Variants in GRID1 observed in about 807,000 individuals in gnomAD.
GRID1 encodes glutamate receptor ionotropic, delta-1.
Under a neutral mutation model 98.0 loss-of-function variants are expected in GRID1, and 28 were observed. The ratio of observed to expected loss-of-function variants is 0.29; its 90% confidence interval spans 0.21 to 0.39. GRID1 has a LOEUF of 0.39. GRID1 is among the 10% of genes least tolerant of loss of function. GRID1 has a pLI of 1.00. For missense variants in GRID1, 1,111 were observed against 1,340.5 expected (o/e 0.83, Z 2.67); for synonymous variants, 553 against 538.5 (o/e 1.03, Z -0.37).
chr10:85,939,426 A>T (rs1841969316), intron 4 of GRID1, among the ~76,000 whole-genome samples: 1 of 152,222 alleles, frequency 6.6e-6, no homozygotes, highest in African/African-American at 2.4e-5. Flanking sequence ...ACTAAGCTAA[A>T]ATCAAGGTGT....
At chr10:85,756,077 C>T (rs1456625497) in intron 8 of GRID1, among the ~76,000 whole-genome samples, 1 of 151,146 alleles carries the variant, frequency 6.6e-6, no homozygotes, top group Non-Finnish European at 1.5e-5. Context: ...CCAATACCCC[C>T]CCTAGTGGGA....
chr10:85,780,025 C>T (rs1842367352), intron 8 of GRID1, among the ~76,000 whole-genome samples: 1 of 152,192 alleles, frequency 6.6e-6, no homozygotes, highest in Non-Finnish European at 1.5e-5. Flanking sequence ...ATCTTCTTTC[C>T]AGGCACTAGC....
chr10:85,854,642 G>A, intron 7 of GRID1, 27 bp from the exon 8 acceptor site: 1 of 1,613,640 alleles, frequency 6.2e-7, no homozygotes, highest in Non-Finnish European at 8.5e-7. Context: ...AAACCCATTG[G>A]AAAATCTGGT....
chr10:86,291,267 C>T (rs976829553), intron 2 of GRID1, among the ~76,000 whole-genome samples: 4 of 152,184 alleles, frequency 2.6e-5, no homozygotes, highest in African/African-American at 9.7e-5. Flanking sequence ...GGGATGAGAC[C>T]CCCACTTTCC....
intron 11 of GRID1, 117 bp from the exon 12 acceptor site, chr10:85,723,258 C>G: frequency 1.0e-6 from 1 of 998,920 alleles, no homozygotes; most frequent in South Asian, 2.2e-5. Context: ...GGGCTGGAAC[C>G]AGGGAGGTGA....
intron 2 of GRID1, among the ~76,000 whole-genome samples, chr10:86,229,412 G>A (rs72841780): frequency 0.28 from 43,245 of 152,114 alleles, 7,005 homozygotes; most frequent in Non-Finnish European, 0.38. Context: ...GTGACCTTGG[G>A]CAAGACACCT....
At chr10:86,249,373 T>TCTC (rs1222790705) in intron 2 of GRID1, among the ~76,000 whole-genome samples, 1 of 152,120 alleles carries the variant, frequency 6.6e-6, no homozygotes, top group African/African-American at 2.4e-5. Flanking sequence ...TAAGTCACAG[T>TCTC]CTCCTCTGGA....
chr10:85,725,525 G>A lies in GRID1; in HGVS notation c.1534-849C>T, dbSNP rs116422259. ...AAACTGCCAAGTTTGGGGCGATTAC[G>A]GGTTTCATGTCCGGATGGGTGGATG... is the stretch of plus-strand genomic sequence containing the variant. On this transcript the variant is annotated intron_variant, in intron 10 of 15. Transcript: ENST00000327946. Among the ~76,000 whole-genome samples, 660 of 152,288 alleles carry A rather than the reference G, an allele frequency of 4.3e-3. 4 individuals carry two copies. The highest frequency in any genetic ancestry group is 0.015 in the African/African-American group (630 of 41,560).
At chr10:86,355,676 G>A (rs1473954998) in intron 2 of GRID1, among the ~76,000 whole-genome samples, 1 of 152,276 alleles carries the variant, frequency 6.6e-6, no homozygotes, top group Non-Finnish European at 1.5e-5. Context: ...CATCTGCCAG[G>A]AAACTGGCTG....
intron 13 of GRID1, among the ~76,000 whole-genome samples, chr10:85,638,835 CAGCATCACT>C (rs1843080652): frequency 6.6e-6 from 1 of 152,148 alleles, no homozygotes; most frequent in Admixed American, 6.5e-5. Flanking sequence ...AAAAAATGCT[CAGCATCACT>C]AGTCCCCAAA....
chr10:85,752,705 C>A (rs1396998443), intron 8 of GRID1, among the ~76,000 whole-genome samples: 3 of 152,044 alleles, frequency 2.0e-5, no homozygotes, highest in African/African-American at 7.2e-5. Flanking sequence ...TTTTTTCTAC[C>A]TCATAATATG....
chr10:86,232,513 C>T (rs72841788), intron 2 of GRID1, among the ~76,000 whole-genome samples: 14,967 of 152,186 alleles, frequency 0.098, 756 homozygotes, highest in Middle Eastern at 0.16. Context: ...CCATCCTGAA[C>T]CTACCCCCAC....
intron 4 of GRID1, among the ~76,000 whole-genome samples, chr10:86,069,745 G>A (rs1253338217): frequency 6.6e-6 from 1 of 152,198 alleles, no homozygotes; most frequent in East Asian, 1.9e-4. Context: ...GTTTTCAGTG[G>A]AAAAGATGTC....
chr10:86,315,045 G>A (rs550925844), intron 2 of GRID1, among the ~76,000 whole-genome samples: 1 of 151,940 alleles, frequency 6.6e-6, no homozygotes, highest in Non-Finnish European at 1.5e-5. Flanking sequence ...CTGTTGTGCC[G>A]CACCCAGTTC....
intron 4 of GRID1, among the ~76,000 whole-genome samples, chr10:85,986,083 A>T (rs1842605098): frequency 6.6e-6 from 1 of 152,262 alleles, no homozygotes; most frequent in African/African-American, 2.4e-5. Context: ...ATCCTGTTTA[A>T]TAAAATTCTG....
intron 5 of GRID1, among the ~76,000 whole-genome samples, chr10:85,913,588 G>C (rs767604687): frequency 1.3e-5 from 2 of 152,114 alleles, no homozygotes; most frequent in Non-Finnish European, 2.9e-5. Flanking sequence ...TCGGGAGTTC[G>C]AGGCCAGCCT....
chr10:86,053,756 A>G (rs1047423731), intron 4 of GRID1, among the ~76,000 whole-genome samples: 3 of 152,192 alleles, frequency 2.0e-5, no homozygotes, highest in Non-Finnish European at 4.4e-5. Flanking sequence ...GGGAAAGGGG[A>G]AAGATGCAGG....
At chr10:86,008,106 C>A (rs952429758) in intron 4 of GRID1, among the ~76,000 whole-genome samples, 1 of 152,160 alleles carries the variant, frequency 6.6e-6, no homozygotes, top group African/African-American at 2.4e-5. Context: ...ACCATCTCCC[C>A]TGTTGGCCTG....
chr10:86,209,964 T>C (rs1456825506), intron 2 of GRID1, among the ~76,000 whole-genome samples: 4 of 152,266 alleles, frequency 2.6e-5, no homozygotes, highest in Middle Eastern at 3.4e-3. Flanking sequence ...ATACACTTGG[T>C]ATCCCTGCCC....
Sources: allele counts gnomAD v4.1 joint callset (sites outside exome capture counted in the v4.1 genomes callset), GRCh38; gene constraint gnomAD v4.1.1; transcripts MANE v1.5; gene names NCBI Gene and HGNC (gene_info 2026-07-23, HGNC 2026-07-21).